The following FBXL2 variants were observed in gnomAD, a reference collection of about 807,000 sequenced individuals.
FBXL2 encodes F-box/LRR-repeat protein 2.
Under a neutral mutation model 69.2 loss-of-function variants are expected in FBXL2, and 38 were observed. The observed-to-expected ratio is 0.55, with a 90% CI of 0.42 to 0.72. The LOEUF is 0.72. FBXL2 is among the 30% of genes least tolerant of loss of function. FBXL2 has a pLI of 0.00. For missense variants in FBXL2, 354 were observed against 520.3 expected, an observed-to-expected ratio of 0.68 and a Z score of 3.11; for synonymous variants, 192 against 201.3, an observed-to-expected ratio of 0.95 and a Z score of 0.39.
chr3:33,291,586 A>T (rs1191441943), intron 1 of FBXL2, among the ~76,000 whole-genome samples: 3 of 152,184 alleles, frequency 2.0e-5, no homozygotes, highest in African/African-American at 7.2e-5. Flanking sequence ...AAGCTATCCA[A>T]CAGTAAGTGC....
intron 2 of FBXL2, among the ~76,000 whole-genome samples, chr3:33,324,982 G>T (rs1304802214): frequency 6.6e-6 from 1 of 152,102 alleles, no homozygotes; most frequent in African/African-American, 2.4e-5. Flanking sequence ...ATTTCCTTGA[G>T]CAGTAGTTTG....
At chr3:33,376,585 ATTAAC>A (rs945588774) in intron 10 of FBXL2, among the ~76,000 whole-genome samples, 18 of 152,346 alleles carry the variant, frequency 1.2e-4, no homozygotes, top group African/African-American at 4.3e-4. Flanking sequence ...GTAATTGAGA[ATTAAC>A]TTATTTTTCA....
intron 5 of FBXL2, chr3:33,372,327 C>T (rs1215268536): frequency 1.3e-5 from 2 of 152,444 alleles, no homozygotes; most frequent in Admixed American, 6.5e-5. Context: ...CTCCAGCTGC[C>T]TTGGTCTTCC....
chr3:33,413,696 A>T, the FBXL2 span, among the ~76,000 whole-genome samples: 15 of 152,142 alleles, frequency 9.9e-5, no homozygotes, highest in African/African-American at 3.1e-4. Flanking sequence ...ATTAAAAGCA[A>T]TTTTTTTCTT....
intron 2 of FBXL2, among the ~76,000 whole-genome samples, chr3:33,323,801 T>C (rs887356357): frequency 2.6e-5 from 4 of 152,196 alleles, no homozygotes; most frequent in African/African-American, 9.7e-5. Context: ...TAGAATGATA[T>C]AATCCTTTGG....
downstream of FBXL2, chr3:33,392,466 C>T: frequency 3.9e-6 from 4 of 1,016,958 alleles, no homozygotes; most frequent in Non-Finnish European, 4.2e-6. Context: ...ATGAGTAAAG[C>T]AATCATTTTA....
intron 2 of FBXL2, among the ~76,000 whole-genome samples, chr3:33,324,744 C>T (rs765641546): frequency 1.3e-5 from 2 of 152,122 alleles, no homozygotes; most frequent in Non-Finnish European, 2.9e-5. Context: ...TGTGATGCCT[C>T]CAGCTTTGTT....
chr3:33,322,123 A>G (rs4678535), intron 2 of FBXL2, among the ~76,000 whole-genome samples: 13,115 of 122,556 alleles, frequency 0.11, 666 homozygotes, highest in Admixed American at 0.15. Context: ...TGTCGCCTAG[A>G]CTGGAGTGCA....
intron 14 of FBXL2, among the ~76,000 whole-genome samples, chr3:33,385,088 G>C (rs1002533701): frequency 6.6e-6 from 1 of 152,144 alleles, no homozygotes; most frequent in Non-Finnish European, 1.5e-5. Context: ...TGAGTGGGAG[G>C]TAGAACTCTC....
intron 1 of FBXL2, among the ~76,000 whole-genome samples, chr3:33,290,429 C>T (rs2125696635): frequency 6.6e-6 from 1 of 152,168 alleles, no homozygotes; most frequent in South Asian, 2.1e-4. Flanking sequence ...AAATGTGATC[C>T]ATGGTCAGGG....
downstream of FBXL2, chr3:33,390,521 C>G: frequency 1.3e-6 from 1 of 767,010 alleles, no homozygotes; most frequent in Non-Finnish European, 2.1e-6. Flanking sequence ...CTTGCTCTAG[C>G]TCCTCTTCCC....
chr3:33,396,374 C>T, intron 12 of FBXL2: 4 of 888,148 alleles, frequency 4.5e-6, no homozygotes, highest in Admixed American at 2.4e-5. Flanking sequence ...GTTCTATTTC[C>T]TTATGAGAAC....
intron 2 of FBXL2, among the ~76,000 whole-genome samples, chr3:33,347,802 T>C (rs2040554244): frequency 2.0e-5 from 3 of 152,200 alleles, no homozygotes; most frequent in Admixed American, 2.0e-4. Context: ...TATACCTGTT[T>C]GCCATTTGTG....
At chr3:33,312,424 T>TTTTGTTCCTTTGATGGTG (rs2037295792) in intron 2 of FBXL2, among the ~76,000 whole-genome samples, 1 of 152,224 alleles carries the variant, frequency 6.6e-6, no homozygotes. Context: ...TGGTGCTTTA[T>TTTTGTTCCTTTGATGGTG]TTTGTTCCTT....
intron 5 of FBXL2, among the ~76,000 whole-genome samples, chr3:33,366,574 A>G (rs923718812): frequency 6.6e-6 from 1 of 151,924 alleles, no homozygotes; most frequent in Non-Finnish European, 1.5e-5. Context: ...TAAAGTGGGA[A>G]GATCACTTGA....
the FBXL2 span, chr3:33,409,132 G>T: frequency 1.8e-6 from 2 of 1,091,524 alleles, no homozygotes; most frequent in Non-Finnish European, 2.7e-6. Context: ...ATGTCAAACT[G>T]CCACCCAATC....
intron 1 of FBXL2, among the ~76,000 whole-genome samples, chr3:33,277,983 C>T (rs568412259): frequency 6.6e-6 from 1 of 152,154 alleles, no homozygotes; most frequent in East Asian, 1.9e-4. Context: ...CTTTCAAAAT[C>T]AGCATTCTGA....
rs970317095 is a variant in FBXL2 at position 33,283,351 on chromosome 3, T to G, written c.3+5836T>G. On this transcript the variant is annotated intron_variant, in intron 1 of 14. Coordinates refer to ENST00000484457, the MANE Select transcript of FBXL2 (RefSeq NM_012157.5). Reference sequence around the variant, plus strand: ...TTCTGTTTATATGATGGATTACGTTTATTGATTTGTGTATGTTGAACCAAC... The same window carrying G: ...TTCTGTTTATATGATGGATTACGTTGATTGATTTGTGTATGTTGAACCAAC... 2.2e-4 allele frequency among the ~76,000 whole-genome samples: 34 copies of G among 152,332 alleles called. 1 individual carries two copies. The highest frequency in any genetic ancestry group is 7.7e-4 in the African/African-American group (32 of 41,574).
At chr3:33,409,531 T>C in the FBXL2 span, 1 of 1,614,228 alleles carries the variant, frequency 6.2e-7, no homozygotes, top group Non-Finnish European at 8.5e-7. Context: ...GGTGTCAACC[T>C]GGATCCTAAA....
Sources: gnomAD v4.1 joint callset for allele counts (sites outside exome capture counted in the v4.1 genomes callset) on GRCh38, gnomAD v4.1.1 for gene constraint, MANE v1.5 for transcripts, NCBI Gene and HGNC (gene_info 2026-07-23, HGNC 2026-07-21) for gene names.